The following MCF2 variants were observed in gnomAD, a reference collection of about 807,000 sequenced individuals.
The protein encoded by MCF2 is proto-oncogene DBL.
In MCF2, 44 loss-of-function variants were observed where a neutral mutation model predicts 82.5. That is an observed-to-expected ratio of 0.53 (90% CI 0.42 to 0.69). The LOEUF (loss-of-function observed/expected upper bound fraction) is 0.69. Ranked by LOEUF, MCF2 falls within the 30% of genes least tolerant of loss-of-function variation. The pLI is 0.00. For synonymous variants in MCF2, 217 were observed against 224.9 expected (o/e 0.96, Z 0.32); for missense variants, 623 against 663.1 (o/e 0.94, Z 0.66).
At chrX:139,611,620 G>A (rs1172148478) in intron 10 of MCF2, among the ~76,000 whole-genome samples, 3 of 111,939 alleles carry the variant, frequency 2.7e-5, no homozygotes, top group Non-Finnish European at 5.6e-5. Context: ...AAATGATTGA[G>A]CACCTACACC....
At chrX:139,626,276 C>G in exon 6 of MCF2, 1 of 1,196,126 alleles carries the variant, frequency 8.4e-7, no homozygotes. Flanking sequence ...CCATCAAAAG[C>G]TGTTTCCATA....
chrX:139,681,674 A>C (rs1935001889), intron 1 of MCF2, among the ~76,000 whole-genome samples: 1 of 112,248 alleles, frequency 8.9e-6, no homozygotes, highest in South Asian at 3.7e-4. Flanking sequence ...ATCTAGATAT[A>C]TGTGGATTTT....
Position 139,602,362 on chromosome X carries a change from A to G in MCF2, c.1836+44T>C, listed in dbSNP as rs193186254. ...ATTTATAATTAAGAAATACCGCAAT[A>G]TCTTCCAGAAAGAATATATCCAATA... On this transcript the variant is annotated intron_variant, in intron 16 of 24. Coordinates refer to ENST00000370576, the Ensembl canonical transcript of MCF2. 1.6e-4 allele frequency: 154 copies of G among 948,210 alleles called. 1 individual carries two copies. In the Admixed American group the frequency reaches 3.4e-3, roughly 21 times the overall value. The allele number at this position is 948,210 out of a possible 1,213,427, so 78.1% of individuals were successfully genotyped here.
intron 1 of MCF2, among the ~76,000 whole-genome samples, chrX:139,652,119 T>C (rs181002672): frequency 6.2e-4 from 70 of 112,249 alleles, no homozygotes; most frequent in African/African-American, 2.0e-3. Context: ...GGGGAGACAC[T>C]GTAGCAGATT....
intron 1 of MCF2, among the ~76,000 whole-genome samples, chrX:139,673,961 G>T (rs2148556340): frequency 9.0e-6 from 1 of 111,549 alleles, no homozygotes; most frequent in Non-Finnish European, 1.9e-5. Context: ...AAGTGTCTTT[G>T]TAGGTCTCTA....
At chrX:139,599,837 T>G (rs191042310) in intron 16 of MCF2, among the ~76,000 whole-genome samples, 1 of 111,742 alleles carries the variant, frequency 8.9e-6, no homozygotes, top group Non-Finnish European at 1.9e-5. Context: ...TGAAAATATA[T>G]GTCTACAGAA....
intron 22 of MCF2, 70 bp downstream of exon 26, chrX:139,587,646 C>T: frequency 2.9e-6 from 2 of 688,709 alleles, no homozygotes; most frequent in East Asian, 3.3e-5. Context: ...ACTTTAATTA[C>T]ATTGCTTCAT....
At chrX:139,584,955 T>C in intron 24 of MCF2, 111 bp downstream of exon 28, 1 of 451,154 alleles carries the variant, frequency 2.2e-6, no homozygotes, top group Non-Finnish European at 3.8e-6. Context: ...TAGCAATGGC[T>C]TACTCCTAAT....
chrX:139,666,575 T>C (rs5953538), intron 1 of MCF2, among the ~76,000 whole-genome samples: 3,094 of 111,817 alleles, frequency 0.028, 119 homozygotes, highest in African/African-American at 0.095. Context: ...AGAAATCTGC[T>C]GTTAGTCTGA....
exon 25 of MCF2, chrX:139,582,164 C>T (rs1413615937): frequency 1.4e-5 from 5 of 354,534 alleles, no homozygotes; most frequent in African/African-American, 1.1e-4. Context: ...ATCCAAGGCA[C>T]ACCGATTGCA....
chrX:139,685,261 A>G (rs1228071787), intron 1 of MCF2, among the ~76,000 whole-genome samples: 1 of 111,055 alleles, frequency 9.0e-6, no homozygotes, highest in Non-Finnish European at 1.9e-5. Flanking sequence ...ACCACCCCTC[A>G]TATTGTCTTA....
intron 1 of MCF2, among the ~76,000 whole-genome samples, chrX:139,701,523 A>C (rs1935498063): frequency 8.9e-6 from 1 of 112,044 alleles, no homozygotes. Flanking sequence ...CTCAAGTCTG[A>C]AGTGCCAACT....
At chrX:139,625,565 A>G (rs1382958747) in intron 6 of MCF2, among the ~76,000 whole-genome samples, 1 of 111,596 alleles carries the variant, frequency 9.0e-6, no homozygotes, top group Non-Finnish European at 1.9e-5. Context: ...GGAACAAGTG[A>G]GTTTTCCTTG....
At position 139,655,232 on chromosome X, in the gene MCF2, A is replaced by T. The variant is rs139479923; in HGVS notation, c.-44-3444T>A. On this transcript the variant is annotated intron_variant, in intron 1 of 27. Transcript: ENST00000414978. Reference sequence around the variant, plus strand: ...CGAATCTGTAAATTTCTGTGGGTAGAATTGTCATTTTAACAATATTAATTC... The same window carrying T: ...CGAATCTGTAAATTTCTGTGGGTAGTATTGTCATTTTAACAATATTAATTC... 9.8e-3 allele frequency among the ~76,000 whole-genome samples: 1,099 copies of T among 112,265 alleles called. 12 individuals carry two copies. The highest frequency in any genetic ancestry group is 0.033 in the African/African-American group (1,031 of 30,957).
intron 6 of MCF2, among the ~76,000 whole-genome samples, chrX:139,624,548 G>T (rs918304578): frequency 9.2e-6 from 1 of 108,343 alleles, no homozygotes; most frequent in South Asian, 4.0e-4. Flanking sequence ...AAAAAAAAAG[G>T]ACTATATTCT....
At chrX:139,617,837 C>A in intron 7 of MCF2, 133 bp from the exon 11 acceptor site, 3 of 298,317 alleles carry the variant, frequency 1.0e-5, no homozygotes, top group Non-Finnish European at 1.7e-5. Context: ...TTGATGTCTA[C>A]TTCTTCAGGC....
upstream of MCF2, among the ~76,000 whole-genome samples, chrX:139,647,883 C>T (rs187182515): frequency 5.4e-5 from 6 of 111,846 alleles, no homozygotes; most frequent in South Asian, 3.7e-4. Flanking sequence ...ACACAGAGAG[C>T]GAATGCTCAA....
chrX:139,631,582 A>C, intron 2 of MCF2, 71 bp from the exon 6 acceptor site: 4 of 622,169 alleles, frequency 6.4e-6, no homozygotes, highest in Non-Finnish European at 8.0e-6. Context: ...TGTAAAATGA[A>C]CTTTGGCATA....
chrX:139,689,356 A>G (rs1935203018), intron 1 of MCF2, among the ~76,000 whole-genome samples: 1 of 111,991 alleles, frequency 8.9e-6, no homozygotes, highest in Admixed American at 9.5e-5. Flanking sequence ...CAGCCATAGT[A>G]AGGGCATCAT....
Sources: allele counts gnomAD v4.1 joint callset (sites outside exome capture counted in the v4.1 genomes callset), GRCh38; gene constraint gnomAD v4.1.1; transcripts MANE v1.5; gene names NCBI Gene and HGNC (gene_info 2026-07-23, HGNC 2026-07-21).